Variants in HERC6 observed in about 807,000 individuals in gnomAD.
HERC6 encodes the protein HECT and RLD domain containing E3 ubiquitin protein ligase family member 6.
HERC6 carries 101 observed loss-of-function variants against 114.5 expected under a neutral mutation model. That is an observed-to-expected ratio of 0.88 (90% CI 0.75 to 1.04). The LOEUF (loss-of-function observed/expected upper bound fraction) is 1.04. HERC6 is among the 50% of genes least tolerant of loss of function. The probability of loss-of-function intolerance (pLI) is 0.00; values close to 1 mark genes in which losing one functional copy is unlikely to be tolerated. For synonymous variants in HERC6, 408 were observed against 436.2 expected (o/e 0.94, Z 0.81); for missense variants, 1,133 against 1,230.9 (o/e 0.92, Z 1.19).
intron 3 of HERC6, 102 bp from the exon 4 acceptor site, chr4:88,390,550 C>T (rs895375843): frequency 1.0e-6 from 1 of 1,005,020 alleles, no homozygotes; most frequent in East Asian, 2.6e-5. Flanking sequence ...TGTCAATTAT[C>T]CCTCATTAAA....
Position 88,441,776 on chromosome 4 carries a change from GC to G in HERC6, c.2843-455del, listed in dbSNP as rs1739378216. Among the ~76,000 whole-genome samples the G allele has an allele frequency of 2.0e-5, 3 of 152,152 alleles. No individual in the cohort carries two copies. The South Asian group carries it at 6.2e-4, about 32-fold the overall frequency. On this transcript the variant is annotated intron_variant, in intron 22 of 22. Transcript: ENST00000264346. ...CTCTTAATGGGAAACTTTTGATTCA[GC>G]CCAGTGGTTCAGCTGTCTGTACACC...
At chr4:88,399,899 G>C (rs1735445805) in intron 8 of HERC6, 1 of 152,250 alleles carries the variant, frequency 6.6e-6, no homozygotes, top group South Asian at 2.1e-4. Context: ...GGCTGTGACA[G>C]TTGAGCAGAG....
At chr4:88,392,454 C>A (rs1056596697) in intron 4 of HERC6, among the ~76,000 whole-genome samples, 3 of 152,000 alleles carry the variant, frequency 2.0e-5, no homozygotes, top group African/African-American at 7.2e-5. Context: ...CCTCCCAAAG[C>A]ACTGGGATTA....
chr4:88,436,324 A>G (rs1037211977), intron 18 of HERC6, among the ~76,000 whole-genome samples: 2 of 152,246 alleles, frequency 1.3e-5, no homozygotes, highest in African/African-American at 4.8e-5. Flanking sequence ...TTCTACTTAC[A>G]GATTGACACT....
At chr4:88,396,792 T>A in intron 6 of HERC6, 59 bp from the exon 7 acceptor site, 1 of 1,411,798 alleles carries the variant, frequency 7.1e-7, no homozygotes, top group Non-Finnish European at 9.4e-7. Flanking sequence ...AGGGACATCA[T>A]CTTTCTCAAA....
At position 88,439,864 on chromosome 4, in the gene HERC6, T is replaced by G. The variant is rs1352281337; in HGVS notation, c.2556-10T>G. ...TTTCTTTTTTTTTTTTTTTTTTTGC[T>G]TCCCTCAAGGAGAGACTATGTTTCT... On this transcript the variant is annotated splice_polypyrimidine_tract_variant and intron_variant, in intron 20 of 22. Coordinates refer to ENST00000264346, the MANE Select transcript of HERC6 (RefSeq NM_017912.4). 1 of 1,235,466 alleles carries G rather than the reference T, an allele frequency of 8.1e-7. No individual in the cohort carries two copies. The highest frequency in any genetic ancestry group is 2.1e-5 in the South Asian group (1 of 47,672). The allele number at this position is 1,235,466 out of a possible 1,614,324, so 76.5% of individuals were successfully genotyped here. A position where few individuals can be genotyped will look rare whatever the true frequency, so the allele number is the denominator to read the frequency against.
chr4:88,417,375 G>T (rs749025880), intron 12 of HERC6, 50 bp from the exon 13 acceptor site: 1 of 1,531,712 alleles, frequency 6.5e-7, no homozygotes. Context: ...ACAGAGATTT[G>T]GGGGGTGGTA....
rs1311661108 is a variant in HERC6, at chr4:88,396,106, G to T, written c.851G>T (p.Arg284Ile). 1 of 1,604,544 alleles carries T rather than the reference G, an allele frequency of 6.2e-7. No homozygotes were observed. Among genetic ancestry groups the T allele is most frequent in the South Asian group, 1.1e-5 (1 of 89,468 alleles). Residue 284 changes from arginine (R) to isoleucine (I), a missense_variant, in exon 6 of 23, where the codon AGA becomes ATA. Around this residue, in one of 3 missense-constraint regions of HERC6, gnomAD observed 735 missense variants for 754.0 expected, o/e 0.97. Transcript: ENST00000264346. ...AAGAGAGGTCCACAACTTGTGGAAA[G>T]AATTGATGGCCTAGTTTCGCAGATA... is the stretch of plus-strand genomic sequence containing the variant. ...PEKRGPQLVERIDGLVSQIDC... is the reference protein window; with the variant it reads ...PEKRGPQLVEIIDGLVSQIDC...
chr4:88,431,566 C>A (rs940466546), intron 17 of HERC6, among the ~76,000 whole-genome samples: 3 of 152,068 alleles, frequency 2.0e-5, no homozygotes, highest in African/African-American at 7.2e-5. Context: ...TTCACATGCA[C>A]GTTACATTTT....
At chr4:88,407,324 G>A (rs927307918) in intron 10 of HERC6, among the ~76,000 whole-genome samples, 4 of 151,038 alleles carry the variant, frequency 2.6e-5, no homozygotes, top group South Asian at 4.2e-4. Context: ...CAAGTGATCC[G>A]CCCACCTCAG....
chr4:88,421,291 C>T (rs192837276), intron 13 of HERC6, among the ~76,000 whole-genome samples: 1 of 152,102 alleles, frequency 6.6e-6, no homozygotes, highest in Non-Finnish European at 1.5e-5. Context: ...TTTCATTTCC[C>T]GTATATACCC....
intron 20 of HERC6, among the ~76,000 whole-genome samples, chr4:88,439,106 A>G (rs1373014420): frequency 6.6e-6 from 1 of 151,964 alleles, no homozygotes; most frequent in Non-Finnish European, 1.5e-5. Context: ...AGTCTTACTT[A>G]TATTGAAATC....
chr4:88,399,790 T>C (rs1735440339), intron 8 of HERC6: 1 of 151,516 alleles, frequency 6.6e-6, no homozygotes, highest in Admixed American at 6.6e-5. Flanking sequence ...AAAAAAATTG[T>C]ATTAGATAGT....
At chr4:88,403,410 A>C (rs1012507738) in intron 8 of HERC6, among the ~76,000 whole-genome samples, 3 of 152,208 alleles carry the variant, frequency 2.0e-5, no homozygotes, top group Non-Finnish European at 2.9e-5. Flanking sequence ...CTAATTATTG[A>C]GTGCCTATTA....
In HERC6 at chr4:88,380,130, A is replaced by AAT. The variant is rs1323671001; in HGVS notation, c.199+1018_199+1019dup. On this transcript the variant is annotated intron_variant, in intron 1 of 22. Transcript: ENST00000264346. The stretch of plus-strand genomic sequence containing the variant: ...AATATATAAATATATATAATATATA[A>AAT]ATATATATAATATATAAATATATAT... Among the ~76,000 whole-genome samples the AAT allele has an allele frequency of 5.8e-3, 40 of 6,852 alleles. 4 individuals carry two copies. The highest frequency in any genetic ancestry group is 0.047 in the East Asian group (3 of 64). 4.5% of individuals were successfully genotyped at this position (6,852 alleles called of 152,430 possible).
intron 1 of HERC6, among the ~76,000 whole-genome samples, chr4:88,380,154 AT>A (rs1560528701): frequency 3.0e-5 from 1 of 33,784 alleles, no homozygotes; most frequent in Admixed American, 6.0e-4. Flanking sequence ...ATAAATATAT[AT>A]AATATATAAA....
At chr4:88,412,650 C>A (rs950417091) in intron 11 of HERC6, among the ~76,000 whole-genome samples, 2 of 152,134 alleles carry the variant, frequency 1.3e-5, no homozygotes, top group African/African-American at 4.8e-5. Flanking sequence ...CTATTTTTCT[C>A]TGCAAATTTT....
chr4:88,435,803 C>G lies in HERC6; in HGVS notation c.2329C>G (p.Leu777Val), dbSNP rs1474442943. The G allele has an allele frequency of 1.2e-6, 2 of 1,611,418 alleles. No individual in the cohort carries two copies. The highest frequency in any genetic ancestry group is 1.7e-6 in the Non-Finnish European group (2 of 1,178,550). The change falls in exon 18 of 23, where the codon CTT becomes GTT. Residue 777 changes from leucine to valine, a missense_variant. This residue lies in a region of HERC6 where 388 missense variants were observed against 445.9 expected (regional missense o/e 0.87). Transcript: ENST00000264346. ...CTTATTCAATTTAAATGTTGCTAAC[C>G]TTCCTTTCCCACTGGCTCTGTATAA... is the stretch of plus-strand genomic sequence containing the variant. ...LSLFNLNVAN[L>V]PFPLALYKKL...
intron 9 of HERC6, among the ~76,000 whole-genome samples, 159 bp from the exon 10 acceptor site, chr4:88,405,395 T>C (rs1435340720): frequency 6.6e-6 from 1 of 152,178 alleles, no homozygotes; most frequent in African/African-American, 2.4e-5. Flanking sequence ...AGAAATAATA[T>C]GAACAAAGTA....
Sources: gnomAD v4.1 joint callset for allele counts (sites outside exome capture counted in the v4.1 genomes callset) on GRCh38, gnomAD v4.1.1 for gene constraint, gnomAD v4.1.1 regional missense constraint, MANE v1.5 for transcripts, NCBI Gene and HGNC (gene_info 2026-07-23, HGNC 2026-07-21) for gene names.